PLCB4: variants seen among roughly 807,000 people sequenced by gnomAD.
The protein encoded by PLCB4 is phospholipase C beta 4, also known as 1-phosphatidylinositol 4,5-bisphosphate phosphodiesterase beta-4.
Under a neutral mutation model 178.8 loss-of-function variants are expected in PLCB4, and 77 were observed. That is an observed-to-expected ratio of 0.43 (90% confidence interval 0.36 to 0.52). PLCB4 has a LOEUF of 0.52. Ranked by LOEUF, PLCB4 falls within the 20% of genes least tolerant of loss-of-function variation. The probability of loss-of-function intolerance (pLI) is 0.00; values close to 1 mark genes in which losing one functional copy is unlikely to be tolerated. For missense variants in PLCB4, 1,024 were observed against 1,453.4 expected (o/e 0.70, Z 4.80); for synonymous variants, 496 against 490.8 (o/e 1.01, Z -0.14).
intron 2 of PLCB4, among the ~76,000 whole-genome samples, chr20:9,109,797 T>C (rs915032566): frequency 1.3e-5 from 2 of 152,182 alleles, no homozygotes; most frequent in Non-Finnish European, 2.9e-5. Context: ...GCAGTCATTG[T>C]CTTAATTAAC....
At chr20:9,078,874 C>A (rs1175023345) in intron 1 of PLCB4, among the ~76,000 whole-genome samples, 1 of 152,164 alleles carries the variant, frequency 6.6e-6, no homozygotes, top group African/African-American at 2.4e-5. Context: ...TAAATGACAG[C>A]AAAGTGAAAT....
chr20:9,251,810 TA>T (rs1197192298), intron 3 of PLCB4, among the ~76,000 whole-genome samples: 2 of 152,188 alleles, frequency 1.3e-5, no homozygotes, highest in African/African-American at 4.8e-5. Flanking sequence ...ATACATAATT[TA>T]ACATTTCCTA....
Position 9,129,792 on chromosome 20 carries a change from G to A in PLCB4, c.-79+33450G>A, listed in dbSNP as rs189773599. ...GTTTTCAAAACTCTATTTTTGCTTC[G>A]TTTCTAACTCAACAACTTATTCTCC... On this transcript the variant is annotated intron_variant, in intron 2 of 39. Coordinates refer to ENST00000378473, the MANE Select transcript of PLCB4 (RefSeq NM_001377142.1). 2.8e-3 allele frequency among the ~76,000 whole-genome samples: 432 copies of A among 152,112 alleles called. 2 individuals are homozygous for A. The highest frequency in any genetic ancestry group is 1.0e-2 in the African/African-American group (414 of 41,542).
intron 25 of PLCB4, among the ~76,000 whole-genome samples, chr20:9,412,941 A>C (rs1416905067): frequency 1.3e-5 from 2 of 152,172 alleles, no homozygotes; most frequent in Admixed American, 1.3e-4. Context: ...TTTCTTTAAC[A>C]GTTTACGACA....
intron 7 of PLCB4, among the ~76,000 whole-genome samples, chr20:9,356,622 A>G (rs1027165513): frequency 2.0e-5 from 3 of 152,200 alleles, no homozygotes; most frequent in Non-Finnish European, 2.9e-5. Flanking sequence ...CTCCAAGTGC[A>G]TGGAAATGTG....
chr20:9,467,632 A>G (rs529695528), intron 35 of PLCB4, among the ~76,000 whole-genome samples: 1 of 152,288 alleles, frequency 6.6e-6, no homozygotes, highest in African/African-American at 2.4e-5. Flanking sequence ...GAATACAGAA[A>G]GGTCAATTTC....
chr20:9,197,349 G>A (rs541282826), intron 2 of PLCB4, among the ~76,000 whole-genome samples: 6 of 152,136 alleles, frequency 3.9e-5, no homozygotes, highest in African/African-American at 9.6e-5. Context: ...CACTCACCAC[G>A]TAGCCAGTTC....
chr20:9,283,779 T>C (rs916013521), intron 3 of PLCB4, among the ~76,000 whole-genome samples: 3 of 152,046 alleles, frequency 2.0e-5, no homozygotes, highest in African/African-American at 7.2e-5. Context: ...AGTGAAATAA[T>C]AAATCATCCC....
At chr20:9,320,284 C>T (rs1045153204) in intron 4 of PLCB4, among the ~76,000 whole-genome samples, 2 of 152,146 alleles carry the variant, frequency 1.3e-5, no homozygotes, top group Non-Finnish European at 2.9e-5. Context: ...CCGGACATTG[C>T]CGTGGCATTT....
At chr20:9,284,491 G>A (rs941020087) in intron 3 of PLCB4, among the ~76,000 whole-genome samples, 1 of 151,918 alleles carries the variant, frequency 6.6e-6, no homozygotes, top group Non-Finnish European at 1.5e-5. Context: ...AGGGAGATGA[G>A]GAGCCTTATG....
intron 38 of PLCB4, among the ~76,000 whole-genome samples, chr20:9,475,642 G>C (rs2044493375): frequency 6.6e-6 from 1 of 152,186 alleles, no homozygotes. Flanking sequence ...ATTTGGACTT[G>C]AGTTTCTGTG....
intron 25 of PLCB4, among the ~76,000 whole-genome samples, chr20:9,418,776 A>C (rs1443346190): frequency 6.6e-6 from 1 of 152,208 alleles, no homozygotes; most frequent in Non-Finnish European, 1.5e-5. Flanking sequence ...CCAGCTTAAC[A>C]ATATGGTCTT....
rs1262061900 is a variant in PLCB4 at position 9,390,688 on chromosome 20, T to C, written c.1323+73T>C. On this transcript the variant is annotated intron_variant, in intron 17 of 39. Coordinates refer to ENST00000378473, the MANE Select transcript of PLCB4 (RefSeq NM_001377142.1). The stretch of plus-strand genomic sequence containing the variant: ...TGAAAATTTCTGAAGGGTCAAGTAG[T>C]ACTAGAGGACTAATGCTAAAGATCT... The C allele has an allele frequency of 6.9e-6, 5 of 722,784 alleles. No homozygotes were observed. In the East Asian group the frequency reaches 7.7e-5, roughly 11 times the overall value. 44.8% of individuals were successfully genotyped at this position (722,784 alleles called of 1,614,324 possible).
chr20:9,282,304 TA>T (rs1457435825), intron 3 of PLCB4, among the ~76,000 whole-genome samples: 1 of 151,966 alleles, frequency 6.6e-6, no homozygotes, highest in Non-Finnish European at 1.5e-5. Flanking sequence ...CAGAGAAAAA[TA>T]GGATATAAAC....
chr20:9,215,999 T>G (rs2093726864), intron 2 of PLCB4, among the ~76,000 whole-genome samples: 1 of 152,192 alleles, frequency 6.6e-6, no homozygotes, highest in Non-Finnish European at 1.5e-5. Flanking sequence ...TGTAGTCTTG[T>G]ATTATATGAA....
At chr20:9,461,673 C>T (rs930946801) in intron 35 of PLCB4, among the ~76,000 whole-genome samples, 1 of 152,222 alleles carries the variant, frequency 6.6e-6, no homozygotes. Context: ...GCAGTCAGAT[C>T]GAACCGTGAG....
intron 32 of PLCB4, among the ~76,000 whole-genome samples, chr20:9,451,155 G>T (rs1486525205): frequency 2.0e-5 from 3 of 152,170 alleles, no homozygotes; most frequent in African/African-American, 7.2e-5. Flanking sequence ...AAAGAGAAAA[G>T]ACCTGCCCTG....
chr20:9,279,897 T>A (rs2094479602), intron 3 of PLCB4, among the ~76,000 whole-genome samples: 1 of 152,068 alleles, frequency 6.6e-6, no homozygotes, highest in African/African-American at 2.4e-5. Context: ...TGAAAATCTC[T>A]TTGGAATCGT....
chr20:9,173,176 G>A (rs986243952), intron 2 of PLCB4, among the ~76,000 whole-genome samples: 3 of 152,150 alleles, frequency 2.0e-5, no homozygotes, highest in Non-Finnish European at 2.9e-5. Context: ...CCAGTAAAAG[G>A]CATTGCATTG....
Sources: allele counts gnomAD v4.1 joint callset (sites outside exome capture counted in the v4.1 genomes callset), GRCh38; gene constraint gnomAD v4.1.1; transcripts MANE v1.5; gene names NCBI Gene and HGNC (gene_info 2026-07-23, HGNC 2026-07-21).